The following CELF3 variants were observed in gnomAD, a reference collection of about 807,000 sequenced individuals.
CELF3 encodes the protein CAG repeat domain.
A neutral mutation model predicts 59.6 loss-of-function variants in CELF3; 26 were observed. The ratio of observed to expected loss-of-function variants is 0.44; its 90% confidence interval spans 0.32 to 0.61. The LOEUF is 0.61. Among genes scored for constraint, CELF3 ranks in the 20% least tolerant of loss-of-function variants. The pLI, the probability that CELF3 is intolerant of heterozygous loss-of-function variation, is 0.06. For missense variants in CELF3, 387 were observed against 627.2 expected, an observed-to-expected ratio of 0.62 and a Z score of 4.09; for synonymous variants, 245 against 250.7, an observed-to-expected ratio of 0.98 and a Z score of 0.22.
chr1:151,703,595 A>G (rs749226899), intron 12 of CELF3, 147 bp from the exon 13 acceptor site: 10 of 296,430 alleles, frequency 3.4e-5, no homozygotes, highest in Non-Finnish European at 6.1e-5. Flanking sequence ...CTCAGTCCAA[A>G]CGGACCCATC....
Position 151,701,482 on chromosome 1 carries a change from A to G in CELF3, c.*1977T>C, listed in dbSNP as rs1267032060. On this transcript the variant is annotated 3_prime_UTR_variant, in exon 13 of 13. Transcript: ENST00000290583. ...TCTTGGGATCTTTGCCTCAGGTCAA[A>G]GAACAGGTAAGAAGAGAACATCATG... Among the ~76,000 whole-genome samples the G allele has an allele frequency of 6.6e-6, 1 of 152,226 alleles. No homozygotes were observed. The highest frequency in any genetic ancestry group is 1.5e-5 in the Non-Finnish European group (1 of 68,046).
At chr1:151,703,859 G>C (rs542353746) in intron 12 of CELF3, among the ~76,000 whole-genome samples, 3 of 152,276 alleles carry the variant, frequency 2.0e-5, no homozygotes, top group African/African-American at 7.2e-5. Flanking sequence ...GGCCAGGGCA[G>C]AGCCCAGGTC....
At chr1:151,703,577 C>T in intron 12 of CELF3, 129 bp from the exon 13 acceptor site, 1 of 306,622 alleles carries the variant, frequency 3.3e-6, no homozygotes, top group Non-Finnish European at 6.6e-6. Flanking sequence ...GAAGGCAGAT[C>T]ATCAGGCCTC....
chr1:151,706,168 G>A, intron 10 of CELF3, 56 bp downstream of exon 10: 1 of 1,610,536 alleles, frequency 6.2e-7, no homozygotes, highest in Non-Finnish European at 8.5e-7. Context: ...GGGGTGACAG[G>A]GAGTCCCCAA....
In CELF3 at chr1:151,708,041, T is replaced by C. The variant is rs908652685; in HGVS notation, c.487-106A>G. On this transcript the variant is annotated intron_variant, in intron 5 of 12. Transcript: ENST00000290583. ...TCCACCCCCATGGCATGGCTTGGCC[T>C]CTCTGAGAGGGCGGCCACCATTTTG... is the stretch of plus-strand genomic sequence containing the variant. 8.3e-6 allele frequency: 11 copies of C among 1,329,924 alleles called. No homozygotes were observed. The African/African-American group carries it at 1.3e-4, about 16-fold the overall frequency. The allele number at this position is 1,329,924 out of a possible 1,614,324, so 82.4% of individuals were successfully genotyped here. A position where few individuals can be genotyped will look rare whatever the true frequency, so the allele number is the denominator to read the frequency against.
At chr1:151,711,046 C>CT (rs1258759167) in intron 2 of CELF3, 2 of 359,944 alleles carry the variant, frequency 5.6e-6, no homozygotes, top group African/African-American at 4.3e-5. Context: ...GAGGGTGAGG[C>CT]TAGAGGTACC....
chr1:151,715,342 C>T (rs1172889283), intron 1 of CELF3, among the ~76,000 whole-genome samples: 4 of 152,124 alleles, frequency 2.6e-5, no homozygotes, highest in African/African-American at 7.2e-5. Context: ...GCCTCCCACA[C>T]TTTCCAGATC....
At chr1:151,710,621 TCCTCC>T (rs757042968) in intron 2 of CELF3, 1 of 456,366 alleles carries the variant, frequency 2.2e-6, no homozygotes, top group South Asian at 1.5e-5. Context: ...CCTGCCTCCC[TCCTCC>T]AGAGCAAATC....
intron 12 of CELF3, 91 bp downstream of exon 12, chr1:151,704,940 G>A: frequency 7.2e-7 from 1 of 1,388,926 alleles, no homozygotes; most frequent in Non-Finnish European, 9.7e-7. Flanking sequence ...TGAGGGTGGT[G>A]GAGGACAGGG....
intron 1 of CELF3, among the ~76,000 whole-genome samples, chr1:151,715,149 CAGTT>C (rs1441382867): frequency 8.5e-5 from 13 of 152,104 alleles, no homozygotes; most frequent in East Asian, 1.9e-4. Flanking sequence ...AAGGGAAGAA[CAGTT>C]AGTTAGCCGG....
intron 8 of CELF3, among the ~76,000 whole-genome samples, 166 bp from the exon 9 acceptor site, chr1:151,706,900 G>A (rs1672594067): frequency 1.3e-5 from 2 of 152,234 alleles, no homozygotes; most frequent in Admixed American, 6.5e-5. Context: ...GGGAAGAGGG[G>A]AAAGAGCCCA....
rs776188230 is a variant in CELF3 at position 151,709,441 on chromosome 1, ACTT to A, written c.278-96_278-94del. 2.5e-5 allele frequency: 38 copies of A among 1,546,246 alleles called. 1 individual carries two copies. The highest frequency in any genetic ancestry group is 3.1e-5 in the Non-Finnish European group (35 of 1,128,958). ...GCCCTTCCCTGGAGCTCCTAACACTACTTCTGCTACCCTTAGGGTCCAATGGCT... is the reference window on the plus strand; with the variant it reads ...GCCCTTCCCTGGAGCTCCTAACACTACTGCTACCCTTAGGGTCCAATGGCT... On this transcript the variant is annotated intron_variant, in intron 3 of 12. Coordinates refer to ENST00000290583, the MANE Select transcript of CELF3 (RefSeq NM_007185.7). The surrounding 1 kb of genome is among the most constrained non-coding windows in gnomAD (Gnocchi z 4.9).
At chr1:151,704,810 T>G (rs1672374716) in intron 12 of CELF3, among the ~76,000 whole-genome samples, 2 of 148,646 alleles carry the variant, frequency 1.3e-5, no homozygotes, top group Non-Finnish European at 3.0e-5. Flanking sequence ...TCACGGAGGG[T>G]GTGTGTGTGT....
At chr1:151,706,592 C>T (rs1371032300) in intron 9 of CELF3, 77 bp downstream of exon 9, 2 of 1,455,034 alleles carry the variant, frequency 1.4e-6, no homozygotes, top group Non-Finnish European at 9.4e-7. Flanking sequence ...GCCAAGAAGC[C>T]CAGACCCAGT....
rs553677476 is a variant in CELF3 at position 151,707,792 on chromosome 1, G to A, written c.630C>T (p.Ala210=). 10 of 1,612,166 alleles carry A rather than the reference G, an allele frequency of 6.2e-6. No homozygotes were observed. Among genetic ancestry groups the A allele is most frequent in the African/African-American group, 5.3e-5 (4 of 75,004 alleles). The change falls in exon 6 of 13, where the codon GCC becomes GCT. Residue 210 remains alanine (A), a splice_region_variant and synonymous_variant. Transcript: ENST00000290583. ...QFGAYSAYTQ[A]LMQQQAALVA... ...GCCCGGCATCAGGGGCAGTGCTCAC[G>A]GCCTGGGTGTAGGCGCTGTAGGCTC...
intron 2 of CELF3, chr1:151,713,575 A>G (rs1351951311): frequency 6.6e-6 from 1 of 152,114 alleles, no homozygotes; most frequent in Non-Finnish European, 1.5e-5. Flanking sequence ...GCAAGTTGGG[A>G]CTGGATGGGG....
In CELF3 at chr1:151,709,022, G is replaced by A; in HGVS notation, c.462C>T (p.Thr154=). Residue 154 remains threonine (T), a synonymous_variant, in exon 5 of 13, where the codon ACC becomes ACT. Transcript: ENST00000290583. The surrounding 1 kb of genome is among the most constrained non-coding windows in gnomAD (Gnocchi z 4.9). ...THAEAQAAIN[T]LHSSRTLPGA... is the part of the protein sequence containing the mutation. ...CTGGCAGGGTCCGGCTGCTGTGAAG[G>A]GTGTTGATGGCCGCCTGGGCCTCAG... 1.2e-6 allele frequency: 2 copies of A among 1,613,984 alleles called. No individual in the cohort carries two copies. Among genetic ancestry groups the A allele is most frequent in the Non-Finnish European group, 1.7e-6 (2 of 1,179,970 alleles).
At position 151,705,689 on chromosome 1, in the gene CELF3, AAT is replaced by A; in HGVS notation, c.1270+131_1270+132del. ...GGGTGTGGCATGTTGGGTGTGTCAA[AAT>A]GGCTCTTTTGTACTCTTGGATAATC... On this transcript the variant is annotated intron_variant, in intron 11 of 12. Transcript: ENST00000290583. This position sits in a 1 kb window ranked among gnomAD's most constrained non-coding sequence, Gnocchi z 5.1. The A allele has an allele frequency of 1.0e-6, 1 of 991,412 alleles. No homozygotes were observed. Among genetic ancestry groups the A allele is most frequent in the Non-Finnish European group, 1.5e-6 (1 of 670,862 alleles). 61.4% of individuals were successfully genotyped at this position (991,412 alleles called of 1,614,324 possible).
intron 2 of CELF3, chr1:151,710,378 C>G (rs1014109236): frequency 3.4e-6 from 1 of 294,040 alleles, no homozygotes. Flanking sequence ...CCATGGCAAC[C>G]GCCCACTCAG....
Sources: allele counts gnomAD v4.1 joint callset (sites outside exome capture counted in the v4.1 genomes callset), GRCh38; gene constraint gnomAD v4.1.1; non-coding constraint Gnocchi (gnomAD v3.1); transcripts MANE v1.5; gene names NCBI Gene and HGNC (gene_info 2026-07-23, HGNC 2026-07-21).